TLN2: variants seen among roughly 807,000 people sequenced by gnomAD.
The protein encoded by TLN2 is talin-2.
Under a neutral mutation model 294.7 loss-of-function variants are expected in TLN2, and 118 were observed. The ratio of observed to expected loss-of-function variants is 0.40; its 90% CI spans 0.34 to 0.47. TLN2 has a LOEUF of 0.47. TLN2 is among the 20% of genes least tolerant of loss of function. The pLI is 0.84. For synonymous variants in TLN2, 1,431 were observed against 1,304.5 expected (o/e 1.10, Z -2.09); for missense variants, 3,083 against 3,282.2 (o/e 0.94, Z 1.48).
intron 1 of TLN2, among the ~76,000 whole-genome samples, chr15:62,416,890 G>T (rs947389522): frequency 6.6e-6 from 1 of 152,136 alleles, no homozygotes; most frequent in Non-Finnish European, 1.5e-5. Context: ...TGAGGAGTTG[G>T]ACTGGAGTGC....
chr15:62,656,583 G>A (rs2053236752), intron 8 of TLN2, among the ~76,000 whole-genome samples: 2 of 152,116 alleles, frequency 1.3e-5, no homozygotes, highest in Non-Finnish European at 2.9e-5. Context: ...GATGTGGATT[G>A]CACTAGATTG....
intron 9 of TLN2, among the ~76,000 whole-genome samples, chr15:62,669,411 T>A (rs921952890): frequency 6.6e-6 from 1 of 152,204 alleles, no homozygotes; most frequent in African/African-American, 2.4e-5. Flanking sequence ...ACTGAGTCTA[T>A]TAGAGATTAG....
At chr15:62,718,846 A>G (rs916794597) in intron 24 of TLN2, among the ~76,000 whole-genome samples, 2 of 152,228 alleles carry the variant, frequency 1.3e-5, no homozygotes, top group Non-Finnish European at 2.9e-5. Flanking sequence ...GACTGAAGAT[A>G]CTAGGTCTTG....
chr15:62,491,143 G>A (rs573986108), intron 1 of TLN2, among the ~76,000 whole-genome samples: 15 of 152,182 alleles, frequency 9.9e-5, no homozygotes, highest in Admixed American at 7.9e-4. Flanking sequence ...CCAACATGGC[G>A]AAACCCTGTC....
intron 39 of TLN2, 126 bp downstream of exon 39, chr15:62,762,579 G>A: frequency 9.1e-7 from 1 of 1,095,836 alleles, no homozygotes. Context: ...TTTTCTCTTT[G>A]GGGCCGGAAG....
At chr15:62,482,700 C>T (rs1254175558) in intron 1 of TLN2, among the ~76,000 whole-genome samples, 2 of 150,502 alleles carry the variant, frequency 1.3e-5, no homozygotes, top group Non-Finnish European at 1.5e-5. Context: ...TTTTTTTTGC[C>T]ATTTTAAAAG....
chr15:62,640,060 G>T, intron 3 of TLN2: 1 of 429,374 alleles, frequency 2.3e-6, no homozygotes, highest in South Asian at 1.7e-5. Flanking sequence ...GGGTACCTGA[G>T]CCCAGACTGT....
At chr15:62,735,646 A>T (rs1337882959) in intron 28 of TLN2, among the ~76,000 whole-genome samples, 2 of 152,240 alleles carry the variant, frequency 1.3e-5, no homozygotes, top group African/African-American at 4.8e-5. Flanking sequence ...GTGTAATGGT[A>T]AAGTCATTTT....
At chr15:62,464,976 A>G (rs1347218513) in intron 1 of TLN2, among the ~76,000 whole-genome samples, 1 of 152,008 alleles carries the variant, frequency 6.6e-6, no homozygotes, top group Non-Finnish European at 1.5e-5. Flanking sequence ...CATGGGCACT[A>G]TGGGGGTGCA....
At chr15:62,604,252 C>G (rs541001341) in intron 2 of TLN2, among the ~76,000 whole-genome samples, 2 of 151,996 alleles carry the variant, frequency 1.3e-5, no homozygotes, top group South Asian at 4.2e-4. Flanking sequence ...CATGGTGGCT[C>G]TCAACTGTAA....
intron 9 of TLN2, among the ~76,000 whole-genome samples, chr15:62,668,856 C>G (rs2055051741): frequency 6.6e-6 from 1 of 152,202 alleles, no homozygotes; most frequent in Non-Finnish European, 1.5e-5. Flanking sequence ...TAGAAACTCT[C>G]TCTCAACCTG....
chr15:62,457,695 G>T (rs1315721103), intron 1 of TLN2, among the ~76,000 whole-genome samples: 1 of 152,208 alleles, frequency 6.6e-6, no homozygotes, highest in Non-Finnish European at 1.5e-5. Context: ...CCAGCAGAGG[G>T]ACTTGACAAA....
At chr15:62,715,639 CAAAG>C (rs1233396689) in intron 22 of TLN2, among the ~76,000 whole-genome samples, 1 of 152,194 alleles carries the variant, frequency 6.6e-6, no homozygotes, top group Admixed American at 6.5e-5. Context: ...TGGGGCTGGA[CAAAG>C]AAAGCGTGAC....
chr15:62,462,442 C>A (rs1286732471), intron 1 of TLN2, among the ~76,000 whole-genome samples: 1 of 152,118 alleles, frequency 6.6e-6, no homozygotes, highest in Non-Finnish European at 1.5e-5. Context: ...ACTGGCTGGA[C>A]ACATTGTTAG....
intron 1 of TLN2, among the ~76,000 whole-genome samples, chr15:62,498,153 CAAAAA>C (rs538951284): frequency 1.6e-4 from 15 of 93,406 alleles, no homozygotes; most frequent in African/African-American, 2.4e-4. Flanking sequence ...GACCCTGCCT[CAAAAA>C]AAAAAAAAAA....
intron 1 of TLN2, among the ~76,000 whole-genome samples, chr15:62,582,045 G>GAA (rs112327795): frequency 4.8e-4 from 68 of 140,676 alleles, no homozygotes; most frequent in South Asian, 1.4e-3. Flanking sequence ...ACTCTGTCTA[G>GAA]AAAAAAAAAA....
chr15:62,436,654 AG>A (rs1281346806), intron 1 of TLN2, among the ~76,000 whole-genome samples: 1 of 152,148 alleles, frequency 6.6e-6, no homozygotes, highest in Non-Finnish European at 1.5e-5. Flanking sequence ...TGGAGGAATC[AG>A]GTTGTTTGAA....
intron 1 of TLN2, among the ~76,000 whole-genome samples, chr15:62,579,499 T>A (rs186520845): frequency 6.6e-6 from 1 of 151,686 alleles, no homozygotes; most frequent in Non-Finnish European, 1.5e-5. Context: ...GTGATACTTA[T>A]CTTAGGTTGC....
At chr15:62,491,783 T>G (rs1338971362) in intron 1 of TLN2, among the ~76,000 whole-genome samples, 1 of 152,154 alleles carries the variant, frequency 6.6e-6, no homozygotes, top group African/African-American at 2.4e-5. Flanking sequence ...TGGTAGTGCT[T>G]GAAGTTTCAT....
Sources: allele counts gnomAD v4.1 joint callset (sites outside exome capture counted in the v4.1 genomes callset), GRCh38; gene constraint gnomAD v4.1.1; transcripts MANE v1.5; gene names NCBI Gene and HGNC (gene_info 2026-07-23, HGNC 2026-07-21).